The following CCDC69 variants were observed in gnomAD, a reference collection of about 807,000 sequenced individuals.
CCDC69 encodes the protein coiled-coil domain-containing protein 69.
CCDC69 carries 38 observed loss-of-function variants against 40.3 expected under a neutral mutation model. That is an observed-to-expected ratio of 0.94 (90% CI 0.73 to 1.24). CCDC69 has a LOEUF of 1.24. Among genes scored for constraint, CCDC69 ranks in the 50% most tolerant of loss-of-function variants. The pLI, the probability that CCDC69 is intolerant of heterozygous loss-of-function variation, is 0.00. For missense variants in CCDC69, 389 were observed against 357.9 expected (o/e 1.09, Z -0.70); for synonymous variants, 141 against 138.9 (o/e 1.02, Z -0.11).
intron 4 of CCDC69, among the ~76,000 whole-genome samples, chr5:151,192,922 A>G (rs1289272294): frequency 6.6e-6 from 1 of 152,244 alleles, no homozygotes; most frequent in Non-Finnish European, 1.5e-5. Flanking sequence ...AATTTGAAAA[A>G]ATAAAAATAA....
Position 151,183,460 on chromosome 5 carries a change from C to T in CCDC69, c.868G>A (p.Glu290Lys), listed in dbSNP as rs150897099. 7 of 1,604,788 alleles carry T rather than the reference C, an allele frequency of 4.4e-6. No homozygotes were observed. In the African/African-American group the frequency reaches 5.3e-5, roughly 12 times the overall value. ...CCCTATGTGGCGAGGAAAGAGACCTCAGTGGGAGTGACAGGGGCCAGAGGG... is the reference window on the plus strand; with the variant it reads ...CCCTATGTGGCGAGGAAAGAGACCTTAGTGGGAGTGACAGGGGCCAGAGGG... Reference protein sequence around the residue: ...AFPLAPVTPTEVSFLAT With the variant: ...AFPLAPVTPTKVSFLAT Residue 290 changes from glutamate (E) to lysine (K), a missense_variant, in exon 9 of 9, where the codon GAG (glutamate) becomes AAG (lysine). Physicochemically the swap from Glu to Lys is moderately conservative, Grantham distance 56. Coordinates refer to ENST00000355417, the MANE Select transcript of CCDC69 (RefSeq NM_015621.3).
At position 151,183,343 on chromosome 5, in the gene CCDC69, T is replaced by C; in HGVS notation, c.*94A>G. 1.4e-6 allele frequency: 2 copies of C among 1,413,756 alleles called. No homozygotes were observed. Among genetic ancestry groups the C allele is most frequent in the Non-Finnish European group, 2.0e-6 (2 of 1,020,358 alleles). 87.6% of individuals were successfully genotyped at this position (1,413,756 alleles called of 1,614,324 possible). The stretch of plus-strand genomic sequence containing the variant: ...TCTCGCTCCCACCCTCGTTCCTTCC[T>C]GGAAAAGAACTGAGAGGCTCCTGCT... On this transcript the variant is annotated 3_prime_UTR_variant, in exon 9 of 9. Transcript: ENST00000355417.
chr5:151,217,743 G>A (rs2114004924), intron 1 of CCDC69, among the ~76,000 whole-genome samples: 1 of 152,292 alleles, frequency 6.6e-6, no homozygotes, highest in South Asian at 2.1e-4. Context: ...ACCAGTCACT[G>A]GATTAGGGCC....
chr5:151,205,642 C>T (rs965218232), intron 1 of CCDC69, among the ~76,000 whole-genome samples, 167 bp from the exon 2 acceptor site: 20 of 152,208 alleles, frequency 1.3e-4, no homozygotes, highest in Admixed American at 2.6e-4. Flanking sequence ...GGCAGCAGAC[C>T]CTCTACCGGG....
chr5:151,206,216 T>C (rs1752851635), intron 1 of CCDC69, among the ~76,000 whole-genome samples: 1 of 152,188 alleles, frequency 6.6e-6, no homozygotes, highest in Non-Finnish European at 1.5e-5. Flanking sequence ...GTACGAAGGA[T>C]GCAGATGATG....
intron 1 of CCDC69, 37 bp downstream of exon 1, chr5:151,223,886 T>C: frequency 6.3e-7 from 1 of 1,587,630 alleles, no homozygotes; most frequent in Non-Finnish European, 8.6e-7. Context: ...CACTCCCCTC[T>C]CCTCTGAAAG....
At chr5:151,205,329 T>A in intron 2 of CCDC69, 71 bp downstream of exon 2, 1 of 1,146,084 alleles carries the variant, frequency 8.7e-7, no homozygotes, top group South Asian at 1.2e-5. Flanking sequence ...AGCAGCTGTA[T>A]CATCTGTGTT....
intron 5 of CCDC69, 37 bp downstream of exon 5, chr5:151,187,348 AC>A: frequency 6.3e-7 from 1 of 1,583,924 alleles, no homozygotes; most frequent in African/African-American, 1.3e-5. Flanking sequence ...GTCCTCACTT[AC>A]CCTTATCCAA....
At chr5:151,190,640 T>C (rs1182241536) in intron 4 of CCDC69, among the ~76,000 whole-genome samples, 13 of 127,618 alleles carry the variant, frequency 1.0e-4, no homozygotes, top group Non-Finnish European at 1.6e-4. Context: ...CACTCCAGCC[T>C]GGGTGACAGA....
chr5:151,187,211 T>G (rs1752532886), intron 5 of CCDC69, among the ~76,000 whole-genome samples, 175 bp downstream of exon 5: 1 of 152,238 alleles, frequency 6.6e-6, no homozygotes, highest in African/African-American at 2.4e-5. Flanking sequence ...TCAGTCCTCT[T>G]GAGCTAATAG....
chr5:151,187,519 C>A (rs1466103427), intron 4 of CCDC69, 60 bp from the exon 5 acceptor site: 33 of 1,422,334 alleles, frequency 2.3e-5, no homozygotes, highest in Non-Finnish European at 3.2e-5. Flanking sequence ...CTTCTGCAGG[C>A]CCCTTGGTGG....
At chr5:151,187,264 C>A (rs1452220404) in intron 5 of CCDC69, 122 bp downstream of exon 5, 1 of 751,140 alleles carries the variant, frequency 1.3e-6, no homozygotes, top group Non-Finnish European at 2.3e-6. Context: ...AGAAGGCAAT[C>A]ACCTCAGCCC....
At chr5:151,221,221 A>T (rs576275162) in intron 1 of CCDC69, among the ~76,000 whole-genome samples, 1 of 152,264 alleles carries the variant, frequency 6.6e-6, no homozygotes, top group Admixed American at 6.5e-5. Flanking sequence ...GGACATGAGA[A>T]GGCCTCATGG....
intron 1 of CCDC69, among the ~76,000 whole-genome samples, chr5:151,223,622 C>T (rs919295062): frequency 5.9e-5 from 9 of 152,322 alleles, no homozygotes; most frequent in African/African-American, 2.2e-4. Context: ...CAGCCCCAGA[C>T]CGAAAGCAGA....
At chr5:151,199,777 TC>T (rs1359670695) in intron 3 of CCDC69, among the ~76,000 whole-genome samples, 1 of 152,182 alleles carries the variant, frequency 6.6e-6, no homozygotes, top group Non-Finnish European at 1.5e-5. Context: ...GGTTAAGGAT[TC>T]CACAGGTAAT....
chr5:151,212,022 G>A (rs1561604471), intron 1 of CCDC69: 1 of 151,244 alleles, frequency 6.6e-6, no homozygotes, highest in Non-Finnish European at 1.5e-5. Context: ...GGTGGTGGGG[G>A]GGGGAGTTGG....
intron 4 of CCDC69, among the ~76,000 whole-genome samples, chr5:151,188,230 C>G (rs192779898): frequency 1.9e-4 from 29 of 152,054 alleles, no homozygotes; most frequent in African/African-American, 7.0e-4. Flanking sequence ...TGACAATCAA[C>G]GGGCAGAATG....
chr5:151,198,318 C>CTATA (rs1752729662), intron 4 of CCDC69, among the ~76,000 whole-genome samples: 1 of 150,348 alleles, frequency 6.7e-6, no homozygotes, highest in Non-Finnish European at 1.5e-5. Flanking sequence ...ATCTATCTAT[C>CTATA]TATCTATCTA....
At chr5:151,183,910 G>A (rs186448280) in intron 8 of CCDC69, among the ~76,000 whole-genome samples, 107 of 152,214 alleles carry the variant, frequency 7.0e-4, no homozygotes, top group Admixed American at 1.1e-3. Context: ...TGTAAAATGG[G>A]AAGAAGAAGA....
Sources: allele counts gnomAD v4.1 joint callset (sites outside exome capture counted in the v4.1 genomes callset), GRCh38; gene constraint gnomAD v4.1.1; transcripts MANE v1.5; gene names NCBI Gene and HGNC (gene_info 2026-07-23, HGNC 2026-07-21).